Variants in GFOD1 observed in about 807,000 individuals in gnomAD.
GFOD1 encodes the protein Gfo/Idh/MocA-like oxidoreductase domain containing 1.
GFOD1 carries 9 observed loss-of-function variants against 25.4 expected under a neutral mutation model. That is an observed-to-expected ratio of 0.35 (90% confidence interval 0.21 to 0.62). The LOEUF is 0.62. Ranked by LOEUF, GFOD1 falls within the 20% of genes least tolerant of loss-of-function variation. The pLI, the probability that GFOD1 is intolerant of heterozygous loss-of-function variation, is 0.72. For synonymous variants in GFOD1, 253 were observed against 245.6 expected, an observed-to-expected ratio of 1.03 and a Z score of -0.28; for missense variants, 403 against 556.9, an observed-to-expected ratio of 0.72 and a Z score of 2.78.
intron 1 of GFOD1, among the ~76,000 whole-genome samples, chr6:13,454,858 C>G (rs1202884414): frequency 2.0e-5 from 3 of 152,112 alleles, no homozygotes; most frequent in Non-Finnish European, 4.4e-5. Context: ...CAAATGGACA[C>G]CAGAGCAAGA....
intron 1 of GFOD1, among the ~76,000 whole-genome samples, chr6:13,450,138 A>AT (rs1562222753): frequency 6.6e-6 from 1 of 152,050 alleles, no homozygotes; most frequent in African/African-American, 2.4e-5. Flanking sequence ...GATTTCTGTG[A>AT]TTTTTTACCC....
At chr6:13,383,703 T>C (rs1467019859) in intron 1 of GFOD1, among the ~76,000 whole-genome samples, 1 of 152,222 alleles carries the variant, frequency 6.6e-6, no homozygotes, top group Non-Finnish European at 1.5e-5. Context: ...CCCAACCCTA[T>C]GTAAACAGTA....
At chr6:13,376,319 T>C (rs1377396417) in intron 1 of GFOD1, among the ~76,000 whole-genome samples, 2 of 151,950 alleles carry the variant, frequency 1.3e-5, no homozygotes, top group East Asian at 1.9e-4. Context: ...ACTCCAGCAG[T>C]TGAGTCCTGC....
At chr6:13,424,191 T>C (rs1786311350) in intron 1 of GFOD1, among the ~76,000 whole-genome samples, 2 of 152,196 alleles carry the variant, frequency 1.3e-5, no homozygotes, top group African/African-American at 2.4e-5. Flanking sequence ...ATAATTATAA[T>C]GGGCTCAGAG....
intron 1 of GFOD1, among the ~76,000 whole-genome samples, chr6:13,378,352 G>A (rs1470938365): frequency 1.3e-5 from 2 of 152,194 alleles, no homozygotes; most frequent in Non-Finnish European, 1.5e-5. Flanking sequence ...TCCGCCCCCA[G>A]CAGACCCCAG....
At chr6:13,419,044 T>C (rs935338776) in intron 1 of GFOD1, among the ~76,000 whole-genome samples, 1 of 152,168 alleles carries the variant, frequency 6.6e-6, no homozygotes, top group Non-Finnish European at 1.5e-5. Context: ...CCTGGCTTTG[T>C]GTTTTTCTCA....
intron 1 of GFOD1, among the ~76,000 whole-genome samples, chr6:13,442,985 C>A (rs1285558816): frequency 6.6e-6 from 1 of 152,134 alleles, no homozygotes; most frequent in Non-Finnish European, 1.5e-5. Flanking sequence ...ACACTGAAAA[C>A]CTTCTGGAAA....
intron 1 of GFOD1, among the ~76,000 whole-genome samples, chr6:13,390,593 G>A (rs1037423744): frequency 4.1e-5 from 6 of 146,110 alleles, no homozygotes; most frequent in Non-Finnish European, 9.1e-5. Flanking sequence ...CAGATGTGGT[G>A]GTGCATGCCT....
intron 1 of GFOD1, among the ~76,000 whole-genome samples, chr6:13,405,403 A>T (rs907511310): frequency 1.3e-5 from 2 of 152,260 alleles, no homozygotes; most frequent in East Asian, 1.9e-4. Flanking sequence ...TTTTATTAAC[A>T]TGTAATCAGT....
chr6:13,474,415 AT>A (rs966068078), intron 1 of GFOD1, among the ~76,000 whole-genome samples: 11 of 152,054 alleles, frequency 7.2e-5, no homozygotes, highest in African/African-American at 1.9e-4. Context: ...TAAAAATGCC[AT>A]TTTTTTCCCC....
intron 1 of GFOD1, among the ~76,000 whole-genome samples, chr6:13,474,217 T>C (rs922047916): frequency 2.0e-5 from 3 of 152,058 alleles, no homozygotes; most frequent in Admixed American, 6.5e-5. Flanking sequence ...CTGTCTCTAC[T>C]AAAAATACAA....
chr6:13,414,513 G>A (rs1786131787), intron 1 of GFOD1, among the ~76,000 whole-genome samples: 1 of 152,232 alleles, frequency 6.6e-6, no homozygotes, highest in Admixed American at 6.5e-5. Context: ...GCACAGAGTT[G>A]ATGAGATCTA....
chr6:13,393,768 C>CT (rs1359221437), intron 1 of GFOD1, among the ~76,000 whole-genome samples: 3 of 128,494 alleles, frequency 2.3e-5, no homozygotes, highest in Non-Finnish European at 5.1e-5. Context: ...TGGCCAATTT[C>CT]TTTTTTCTTT....
At position 13,361,560 on chromosome 6, in the gene GFOD1, A is replaced by T. The variant is rs1328119932; in HGVS notation, c.*3183T>A. 3 of 152,360 alleles carry T rather than the reference A, an allele frequency of 2.0e-5. No homozygotes were observed. Among genetic ancestry groups the T allele is most frequent in the African/African-American group, 7.2e-5 (3 of 41,458 alleles). 9.4% of individuals were successfully genotyped at this position (152,360 alleles called of 1,614,324 possible). ...GCATGATGAACGGTGCTGGGCTGAA[A>T]CAAAGTCCTTCTGCAGAACACTGTT... On this transcript the variant is annotated 3_prime_UTR_variant, in exon 2 of 2. Coordinates refer to ENST00000379287, the MANE Select transcript of GFOD1 (RefSeq NM_018988.4).
chr6:13,472,739 C>T (rs1758536455), intron 1 of GFOD1, among the ~76,000 whole-genome samples: 1 of 152,206 alleles, frequency 6.6e-6, no homozygotes, highest in African/African-American at 2.4e-5. Context: ...TTTACTTTCA[C>T]CAGAATGACA....
At chr6:13,441,268 C>T (rs1312812975) in intron 1 of GFOD1, among the ~76,000 whole-genome samples, 2 of 152,190 alleles carry the variant, frequency 1.3e-5, no homozygotes, top group Admixed American at 1.3e-4. Flanking sequence ...ATCCACGCTG[C>T]CAGCACACAC....
chr6:13,417,017 C>T (rs1786174537), intron 1 of GFOD1, among the ~76,000 whole-genome samples: 1 of 152,192 alleles, frequency 6.6e-6, no homozygotes, highest in Admixed American at 6.5e-5. Flanking sequence ...TATCATATCC[C>T]TATCAGAACT....
chr6:13,371,606 A>G (rs755489825), intron 1 of GFOD1, among the ~76,000 whole-genome samples: 50 of 152,386 alleles, frequency 3.3e-4, no homozygotes, highest in Admixed American at 1.8e-3. Context: ...ACAGGCAGTG[A>G]AAAATGAAAA....
chr6:13,368,458 TAGGCATAAGGCTCATCTAACACC>T (rs1475113238), intron 1 of GFOD1, among the ~76,000 whole-genome samples: 5 of 149,842 alleles, frequency 3.3e-5, no homozygotes, highest in Non-Finnish European at 7.5e-5. Context: ...TATGATCCCG[TAGGCATAAGGCTCATCTAACACC>T]AGCTCATGCT....
Sources: allele counts gnomAD v4.1 joint callset (sites outside exome capture counted in the v4.1 genomes callset), GRCh38; gene constraint gnomAD v4.1.1; transcripts MANE v1.5; gene names NCBI Gene and HGNC (gene_info 2026-07-23, HGNC 2026-07-21).